The following LPCAT1 variants were observed in gnomAD, a reference collection of about 807,000 sequenced individuals.
LPCAT1 encodes 1-acylglycerol-3-phosphate O-acyltransferase.
LPCAT1 carries 23 observed loss-of-function variants against 60.9 expected under a neutral mutation model. That is an observed-to-expected ratio of 0.38 (90% CI 0.27 to 0.53). LPCAT1 has a LOEUF of 0.53. LPCAT1 is among the 20% of genes least tolerant of loss of function. The pLI is 0.82. For synonymous variants in LPCAT1, 340 were observed against 301.1 expected, an observed-to-expected ratio of 1.13 and a Z score of -1.34; for missense variants, 622 against 723.6, an observed-to-expected ratio of 0.86 and a Z score of 1.61.
intron 11 of LPCAT1, among the ~76,000 whole-genome samples, chr5:1,473,606 C>CT (rs1734777942): frequency 6.6e-6 from 1 of 152,192 alleles, no homozygotes. Context: ...ATTAGAAACT[C>CT]TGACGCTGCA....
chr5:1,523,707 C>T lies in LPCAT1; in HGVS notation c.135+3G>A. Reference sequence around the variant, plus strand: ...CCCGGGGCCGCGCGCCCTGGGCACCCACCTGGGCCTTCTGCAGGGCGCTGA... The same window carrying T: ...CCCGGGGCCGCGCGCCCTGGGCACCTACCTGGGCCTTCTGCAGGGCGCTGA... On this transcript the variant is annotated splice_donor_region_variant and intron_variant, in intron 1 of 13. Transcript: ENST00000283415. This position sits in a 1 kb window ranked among gnomAD's most constrained non-coding sequence, Gnocchi z 7.1. 2 of 1,140,006 alleles carry T rather than the reference C, an allele frequency of 1.8e-6. No homozygotes were observed. Among genetic ancestry groups the T allele is most frequent in the Non-Finnish European group, 1.1e-6 (1 of 926,084 alleles). The allele number at this position is 1,140,006 out of a possible 1,614,324, so 70.6% of individuals were successfully genotyped here.
chr5:1,491,106 G>C (rs751683898), intron 3 of LPCAT1, among the ~76,000 whole-genome samples: 1 of 150,254 alleles, frequency 6.7e-6, no homozygotes, highest in Non-Finnish European at 1.5e-5. Context: ...GTGGTTGTCT[G>C]TTGGGTCTCT....
rs780401068 is a variant in LPCAT1, at chr5:1,481,009, G to C, written c.727-33C>G. Reference sequence around the variant, plus strand: ...GGAAGAGGCAGGGTCAGTCAGCATGGGGCCTGCACCCAGGGCCTGCACCAA... The same window carrying C: ...GGAAGAGGCAGGGTCAGTCAGCATGCGGCCTGCACCCAGGGCCTGCACCAA... On this transcript the variant is annotated intron_variant, in intron 6 of 13. Coordinates refer to ENST00000283415, the MANE Select transcript of LPCAT1 (RefSeq NM_024830.5). This position sits in a 1 kb window ranked among gnomAD's most constrained non-coding sequence, Gnocchi z 7.8. 3 of 1,612,886 alleles carry C rather than the reference G, an allele frequency of 1.9e-6. No homozygotes were observed. The highest frequency in any genetic ancestry group is 3.3e-5 in the Admixed American group (2 of 60,008).
At position 1,476,766 on chromosome 5, in the gene LPCAT1, A is replaced by G. The variant is rs1348627955; in HGVS notation, c.899+638T>C. On this transcript the variant is annotated intron_variant, in intron 9 of 13. Transcript: ENST00000283415. The surrounding 1 kb of genome is among the most constrained non-coding windows in gnomAD (Gnocchi z 8.6). ...GGTTGCAAGGACAAGTGTGGGGGGA[A>G]TGGGACCTGAGGGATGGAAGGTGCT... Among the ~76,000 whole-genome samples the G allele has an allele frequency of 6.6e-6, 1 of 150,870 alleles. No homozygotes were observed. Among genetic ancestry groups the G allele is most frequent in the East Asian group, 2.0e-4 (1 of 5,072 alleles).
At chr5:1,492,860 C>T (rs1400309233) in intron 3 of LPCAT1, among the ~76,000 whole-genome samples, 1 of 152,260 alleles carries the variant, frequency 6.6e-6, no homozygotes, top group Non-Finnish European at 1.5e-5. Flanking sequence ...GGCCAGCCCC[C>T]CTGTCCAAGG....
chr5:1,508,991 C>T lies in LPCAT1; in HGVS notation c.136-7388G>A, dbSNP rs1173655303. On this transcript the variant is annotated intron_variant, in intron 1 of 13. Coordinates refer to ENST00000283415, the MANE Select transcript of LPCAT1 (RefSeq NM_024830.5). ...CCTCTCGTGTGCACTCACGCCATCGCGGTGCCCGACAGGGGTGCTGCGGTG... is the reference window on the plus strand; with the variant it reads ...CCTCTCGTGTGCACTCACGCCATCGTGGTGCCCGACAGGGGTGCTGCGGTG... Among the ~76,000 whole-genome samples the T allele has an allele frequency of 2.6e-4, 40 of 152,266 alleles. 1 individual carries two copies. The highest frequency in any genetic ancestry group is 2.3e-3 in the Admixed American group (35 of 15,292).
chr5:1,486,594 G>A (rs981411080), intron 5 of LPCAT1, among the ~76,000 whole-genome samples: 7 of 152,172 alleles, frequency 4.6e-5, no homozygotes, highest in African/African-American at 1.4e-4. Flanking sequence ...CAGCAGGCAG[G>A]TTGTGGGTGC....
chr5:1,483,560 C>T lies in LPCAT1; in HGVS notation c.668-74G>A, dbSNP rs1215943893. On this transcript the variant is annotated intron_variant, in intron 5 of 13. Coordinates refer to ENST00000283415, the MANE Select transcript of LPCAT1 (RefSeq NM_024830.5). This position sits in a 1 kb window ranked among gnomAD's most constrained non-coding sequence, Gnocchi z 9.2. ...AGCGTCTGCTGCGTTTCTCATGCTG[C>T]CCTTGGGATAAAAGTGAGCTTTTCT... 6.7e-7 allele frequency: 1 copy of T among 1,501,680 alleles called. No individual in the cohort carries two copies. The highest frequency in any genetic ancestry group is 9.2e-7 in the Non-Finnish European group (1 of 1,085,936). 93.0% of individuals were successfully genotyped at this position (1,501,680 alleles called of 1,614,324 possible).
rs765668815 is a variant in LPCAT1 at position 1,502,624 on chromosome 5, G to A, written c.136-1021C>T. Among the ~76,000 whole-genome samples, 7 of 152,184 alleles carry A rather than the reference G, an allele frequency of 4.6e-5. No individual in the cohort carries two copies. The highest frequency in any genetic ancestry group is 1.0e-4 in the Non-Finnish European group (7 of 68,034). On this transcript the variant is annotated intron_variant, in intron 1 of 13. Coordinates refer to ENST00000283415, the MANE Select transcript of LPCAT1 (RefSeq NM_024830.5). The surrounding 1 kb of genome is among the most constrained non-coding windows in gnomAD (Gnocchi z 5.5). Reference sequence around the variant, plus strand: ...GAGGATGGAGGTCCCTCCGGGAGGCGGGCAGGACTCCGTGTAGAGGGGCGG... The same window carrying A: ...GAGGATGGAGGTCCCTCCGGGAGGCAGGCAGGACTCCGTGTAGAGGGGCGG...
At position 1,523,194 on chromosome 5, in the gene LPCAT1, A is replaced by C. The variant is rs976474364; in HGVS notation, c.135+516T>G. 6.6e-6 allele frequency among the ~76,000 whole-genome samples: 1 copy of C among 151,724 alleles called. No homozygotes were observed. The highest frequency in any genetic ancestry group is 2.4e-5 in the African/African-American group (1 of 41,310). ...CGGGCACCACCAGGCCCCGCACACGAGGCTCACCCAGAGCCGCGGTGCCCT... is the reference window on the plus strand; with the variant it reads ...CGGGCACCACCAGGCCCCGCACACGCGGCTCACCCAGAGCCGCGGTGCCCT... On this transcript the variant is annotated intron_variant, in intron 1 of 13. Transcript: ENST00000283415. The surrounding 1 kb of genome is among the most constrained non-coding windows in gnomAD (Gnocchi z 7.1).
intron 1 of LPCAT1, among the ~76,000 whole-genome samples, chr5:1,506,890 T>C (rs1736203355): frequency 6.6e-6 from 1 of 152,068 alleles, no homozygotes; most frequent in Non-Finnish European, 1.5e-5. Context: ...GCAGGTGTCT[T>C]TTCTCCTCAC....
At position 1,464,696 on chromosome 5, in the gene LPCAT1, GCACA is replaced by G. The variant is rs562349635; in HGVS notation, c.1421-865_1421-862del. 9.6e-3 allele frequency among the ~76,000 whole-genome samples: 1,272 copies of G among 131,972 alleles called. 15 individuals are homozygous for G. Among genetic ancestry groups the G allele is most frequent in the African/African-American group, 0.037 (1,208 of 32,846 alleles). The allele number at this position is 131,972 out of a possible 152,430, so 86.6% of individuals were successfully genotyped here. On this transcript the variant is annotated intron_variant, in intron 13 of 13. Coordinates refer to ENST00000283415, the MANE Select transcript of LPCAT1 (RefSeq NM_024830.5). ...ACACACGGTAAACAAACACATGCGT[GCACA>G]CACACAAAGAGCACACACGGTAAAC...
chr5:1,503,878 T>C (rs982663366), intron 1 of LPCAT1, among the ~76,000 whole-genome samples: 1 of 152,194 alleles, frequency 6.6e-6, no homozygotes, highest in Admixed American at 6.5e-5. Context: ...ACACTCTCCT[T>C]GGGTTCACAC....
At chr5:1,470,797 A>T in intron 12 of LPCAT1, 29 bp downstream of exon 12, 1 of 1,585,462 alleles carries the variant, frequency 6.3e-7, no homozygotes, top group Non-Finnish European at 8.6e-7. Context: ...CCTGTCCCCC[A>T]GTCAAACCCA....
In LPCAT1 at chr5:1,501,486, C is replaced by A. The variant is rs138116906; in HGVS notation, c.253G>T (p.Glu85Ter). The A allele has an allele frequency of 6.2e-7, 1 of 1,613,400 alleles. No individual in the cohort carries two copies. Among genetic ancestry groups the A allele is most frequent in the South Asian group, 1.1e-5 (1 of 91,046 alleles). The change falls in exon 2 of 14, where the codon GAG becomes TAG. Residue 85 changes from glutamate (E) to a stop codon, truncating the protein, a stop_gained. Coordinates refer to ENST00000283415, the MANE Select transcript of LPCAT1 (RefSeq NM_024830.5). LOFTEE classifies it high-confidence loss of function. ...ASLGSAEKEP[E>*]QPPALWRKVV... ...TTCCTCCACAGGGCCGGGGGCTGCT[C>A]GGGTTCCTTCTCCGCAGAGCCCAGG...
chr5:1,466,996 G>GT, intron 12 of LPCAT1, 106 bp from the exon 13 acceptor site: 1 of 1,237,082 alleles, frequency 8.1e-7, no homozygotes, highest in Non-Finnish European at 1.0e-6. Context: ...AGAGCTGCTG[G>GT]GCACCTGCAG....
At position 1,481,907 on chromosome 5, in the gene LPCAT1, G is replaced by A. The variant is rs1480940118; in HGVS notation, c.727-931C>T. Among the ~76,000 whole-genome samples the A allele has an allele frequency of 2.0e-5, 3 of 152,356 alleles. No individual in the cohort carries two copies. Among genetic ancestry groups the A allele is most frequent in the South Asian group, 2.1e-4 (1 of 4,832 alleles). ...GGCAAAGTGAAGCCCGGCAGGCATC[G>A]GACGGGACAGGCCCTGAGGCGGATG... is the stretch of plus-strand genomic sequence containing the variant. On this transcript the variant is annotated intron_variant, in intron 6 of 13. Coordinates refer to ENST00000283415, the MANE Select transcript of LPCAT1 (RefSeq NM_024830.5). The surrounding 1 kb of genome is among the most constrained non-coding windows in gnomAD (Gnocchi z 7.8).
At chr5:1,504,356 C>G (rs749915783) in intron 1 of LPCAT1, among the ~76,000 whole-genome samples, 1 of 152,252 alleles carries the variant, frequency 6.6e-6, no homozygotes, top group African/African-American at 2.4e-5. Flanking sequence ...CACCTGGTCC[C>G]GGGGCTCCAG....
At chr5:1,501,346 G>A (rs1250947237) in intron 2 of LPCAT1, 115 bp downstream of exon 2, 2 of 1,397,630 alleles carry the variant, frequency 1.4e-6, no homozygotes, top group South Asian at 1.4e-5. Context: ...GGGCTCAGAA[G>A]GGAAGGACAG....
Sources: allele counts gnomAD v4.1 joint callset (sites outside exome capture counted in the v4.1 genomes callset), GRCh38; gene constraint gnomAD v4.1.1; non-coding constraint Gnocchi (gnomAD v3.1); transcripts MANE v1.5; gene names NCBI Gene and HGNC (gene_info 2026-07-23, HGNC 2026-07-21).